MARK1: variants seen among roughly 807,000 people sequenced by gnomAD.
MARK1 encodes the protein serine/threonine-protein kinase MARK1.
A neutral mutation model predicts 96.3 loss-of-function variants in MARK1; 40 were observed. The observed-to-expected ratio is 0.42, with a 90% CI of 0.32 to 0.54. The LOEUF (loss-of-function observed/expected upper bound fraction) is 0.54. Ranked by LOEUF, MARK1 falls within the 20% of genes least tolerant of loss-of-function variation. The pLI is 0.16. For missense variants in MARK1, 719 were observed against 984.6 expected (o/e 0.73, Z 3.61); for synonymous variants, 317 against 341.2 (o/e 0.93, Z 0.78).
At chr1:220,643,368 G>A (rs1228640028) in intron 13 of MARK1, among the ~76,000 whole-genome samples, 1 of 152,124 alleles carries the variant, frequency 6.6e-6, no homozygotes, top group African/African-American at 2.4e-5. Context: ...GTGAAATGAG[G>A]CAGGCAGTCA....
At chr1:220,625,191 G>A (rs1210958873) in intron 9 of MARK1, among the ~76,000 whole-genome samples, 1 of 152,200 alleles carries the variant, frequency 6.6e-6, no homozygotes, top group Non-Finnish European at 1.5e-5. Context: ...ATAATGTGAA[G>A]GAGATAAACC....
chr1:220,596,611 G>GAC (rs1665375189), intron 3 of MARK1, among the ~76,000 whole-genome samples: 2 of 152,076 alleles, frequency 1.3e-5, no homozygotes, highest in Non-Finnish European at 2.9e-5. Flanking sequence ...AAGCTTTTTT[G>GAC]TAGGAGGTAA....
chr1:220,574,584 C>T (rs978724791), intron 1 of MARK1, among the ~76,000 whole-genome samples: 11 of 152,096 alleles, frequency 7.2e-5, no homozygotes, highest in Admixed American at 3.9e-4. Flanking sequence ...AAGCCAGATT[C>T]TATGTTGTGA....
At chr1:220,646,680 A>T (rs1668593102) in intron 13 of MARK1, among the ~76,000 whole-genome samples, 1 of 152,334 alleles carries the variant, frequency 6.6e-6, no homozygotes, top group East Asian at 1.9e-4. Flanking sequence ...TAACCAAAAC[A>T]GCATGGTATT....
chr1:220,635,568 T>C (rs1291882978), intron 12 of MARK1, 39 bp downstream of exon 12: 1 of 1,588,072 alleles, frequency 6.3e-7, no homozygotes, highest in African/African-American at 1.4e-5. Context: ...AACACACGGG[T>C]TCTTCCCAAA....
At chr1:220,584,212 T>C (rs56899288) in intron 3 of MARK1, among the ~76,000 whole-genome samples, 1,725 of 152,280 alleles carry the variant, frequency 0.011, 26 homozygotes, top group African/African-American at 0.04. Context: ...TACTTATTAA[T>C]TTACATTTTC....
At chr1:220,547,618 G>T (rs1179837499) in intron 1 of MARK1, among the ~76,000 whole-genome samples, 1 of 152,038 alleles carries the variant, frequency 6.6e-6, no homozygotes, top group Non-Finnish European at 1.5e-5. Context: ...AGGCTGGAGT[G>T]CAGTGGTGCG....
At chr1:220,599,408 C>A (rs998318851) in intron 4 of MARK1, among the ~76,000 whole-genome samples, 8 of 151,964 alleles carry the variant, frequency 5.3e-5, no homozygotes, top group African/African-American at 4.8e-5. Context: ...TACAGAAATT[C>A]TTTTGTTTCT....
At chr1:220,609,288 G>A (rs1666284199) in intron 6 of MARK1, among the ~76,000 whole-genome samples, 2 of 152,160 alleles carry the variant, frequency 1.3e-5, no homozygotes, top group Non-Finnish European at 2.9e-5. Context: ...TTGTTGAATT[G>A]ATCCCTTTAC....
At position 220,599,786 on chromosome 1, in the gene MARK1, A is replaced by T. The variant is rs778820198; in HGVS notation, c.359-12A>T. ...TAACAGTTATAGAGTTATATCTCTA[A>T]TTTTTTTTCAGTAAAATTGTTTGAA... On this transcript the variant is annotated splice_polypyrimidine_tract_variant and intron_variant, in intron 4 of 17. Transcript: ENST00000366917. 1.2e-5 allele frequency: 18 copies of T among 1,512,926 alleles called. No individual in the cohort carries two copies. The South Asian group carries it at 1.8e-4, about 15-fold the overall frequency. The allele number at this position is 1,512,926 out of a possible 1,614,324, so 93.7% of individuals were successfully genotyped here.
chr1:220,532,202 G>A (rs899244165), intron 1 of MARK1, among the ~76,000 whole-genome samples: 2 of 152,156 alleles, frequency 1.3e-5, no homozygotes, highest in Admixed American at 1.3e-4. Context: ...TGAGTCTTGT[G>A]ACATACTGAA....
chr1:220,570,579 A>G (rs542149708), intron 1 of MARK1, among the ~76,000 whole-genome samples: 1 of 152,084 alleles, frequency 6.6e-6, no homozygotes, highest in African/African-American at 2.4e-5. Context: ...GTAAATTGTA[A>G]TATTTTTCTT....
intron 6 of MARK1, among the ~76,000 whole-genome samples, chr1:220,604,504 T>C (rs1282024623): frequency 6.6e-6 from 1 of 152,028 alleles, no homozygotes. Context: ...ACAGCATATA[T>C]GTGTACTGTT....
At chr1:220,655,045 G>A (rs75411467) in intron 16 of MARK1, among the ~76,000 whole-genome samples, 2,190 of 152,280 alleles carry the variant, frequency 0.014, 28 homozygotes, top group Middle Eastern at 0.044. Flanking sequence ...TGGGTCTCCT[G>A]CCTTCCTGTG....
intron 2 of MARK1, among the ~76,000 whole-genome samples, chr1:220,580,183 A>G (rs374313353): frequency 6.6e-6 from 1 of 151,538 alleles, no homozygotes; most frequent in Non-Finnish European, 1.5e-5. Context: ...AGGACATTAT[A>G]AAAAAAAATC....
rs1439411163 is a variant in MARK1 at position 220,662,889 on chromosome 1, A to C, written c.*723A>C. The C allele has an allele frequency of 6.6e-6, 1 of 152,614 alleles. No homozygotes were observed. Among genetic ancestry groups the C allele is most frequent in the African/African-American group, 2.4e-5 (1 of 41,442 alleles). The allele number at this position is 152,614 out of a possible 1,614,324, so 9.5% of individuals were successfully genotyped here. A position where few individuals can be genotyped will look rare whatever the true frequency, so the allele number is the denominator to read the frequency against. On this transcript the variant is annotated 3_prime_UTR_variant, in exon 18 of 18. Transcript: ENST00000366917. ...CGGGAAAAAAGTTAAATCTACATCA[A>C]GTTTCTTTTGAACTTTGAAGTGTTT... is the stretch of plus-strand genomic sequence containing the variant.
chr1:220,618,859 A>G lies in MARK1; in HGVS notation c.909+104A>G. ...GTTTTCTTAGGAAAATTGCCAAATT[A>G]TCTAATCTGCCTTTTGTTTGTAGGT... On this transcript the variant is annotated intron_variant, in intron 9 of 17. Coordinates refer to ENST00000366917, the MANE Select transcript of MARK1 (RefSeq NM_018650.5). This position sits in a 1 kb window ranked among gnomAD's most constrained non-coding sequence, Gnocchi z 4.6. 1.0e-6 allele frequency: 1 copy of G among 990,584 alleles called. No individual in the cohort carries two copies. Among genetic ancestry groups the G allele is most frequent in the Non-Finnish European group, 1.4e-6 (1 of 698,556 alleles). 61.4% of individuals were successfully genotyped at this position (990,584 alleles called of 1,614,324 possible).
At chr1:220,548,709 T>G (rs2786598) in intron 1 of MARK1, among the ~76,000 whole-genome samples, 6 of 151,926 alleles carry the variant, frequency 3.9e-5, no homozygotes, top group Non-Finnish European at 8.8e-5. Flanking sequence ...TGAGCCGAGA[T>G]TGTGCCACTG....
At chr1:220,587,962 CAAA>C in intron 3 of MARK1, among the ~76,000 whole-genome samples, 1 of 152,126 alleles carries the variant, frequency 6.6e-6, no homozygotes, top group South Asian at 2.1e-4. Context: ...TAGATAATGT[CAAA>C]TTGCTCTCCA....
Sources: allele counts gnomAD v4.1 joint callset (sites outside exome capture counted in the v4.1 genomes callset), GRCh38; gene constraint gnomAD v4.1.1; non-coding constraint Gnocchi (gnomAD v3.1); transcripts MANE v1.5; gene names NCBI Gene and HGNC (gene_info 2026-07-23, HGNC 2026-07-21).